Variants in OSBPL8 observed in about 807,000 individuals in gnomAD.
OSBPL8 encodes oxysterol binding protein like 8.
OSBPL8 carries 59 observed loss-of-function variants against 125.5 expected under a neutral mutation model. The ratio of observed to expected loss-of-function variants is 0.47; its 90% CI spans 0.38 to 0.58. The LOEUF (loss-of-function observed/expected upper bound fraction) is 0.58. Ranked by LOEUF, OSBPL8 falls within the 20% of genes least tolerant of loss-of-function variation. The probability of loss-of-function intolerance (pLI) is 0.00; values close to 1 mark genes in which losing one functional copy is unlikely to be tolerated. For synonymous variants in OSBPL8, 330 were observed against 338.9 expected (o/e 0.97, Z 0.29); for missense variants, 758 against 1,047.8 (o/e 0.72, Z 3.82).
intron 4 of OSBPL8, among the ~76,000 whole-genome samples, chr12:76,440,058 T>G (rs1415742227): frequency 6.6e-6 from 1 of 152,192 alleles, no homozygotes; most frequent in Non-Finnish European, 1.5e-5. Flanking sequence ...TTGCCAAATA[T>G]CAGCATTAAG....
chr12:76,370,786 T>C lies in OSBPL8; in HGVS notation c.2054+662A>G, dbSNP rs74611206. On this transcript the variant is annotated intron_variant, in intron 19 of 23. Transcript: ENST00000261183. ...TGAATTCCCATGACAGAGAATGATA[T>C]GTATGTGCAAACATGTAGGGAGGAC... Among the ~76,000 whole-genome samples, 445 of 152,294 alleles carry C rather than the reference T, an allele frequency of 2.9e-3. 2 individuals are homozygous for C. The highest frequency in any genetic ancestry group is 0.01 in the African/African-American group (428 of 41,568).
chr12:76,540,378 G>A (rs996693070), intron 1 of OSBPL8, among the ~76,000 whole-genome samples: 1 of 152,022 alleles, frequency 6.6e-6, no homozygotes, highest in Non-Finnish European at 1.5e-5. Context: ...TCAATGGGAG[G>A]AATTATTAGG....
chr12:76,371,634 C>A, intron 18 of OSBPL8, 50 bp from the exon 19 acceptor site: 2 of 1,435,754 alleles, frequency 1.4e-6, no homozygotes, highest in South Asian at 1.4e-5. Flanking sequence ...ACTTAGAAGG[C>A]AATTATATAG....
At chr12:76,406,484 T>C (rs1954266823) in intron 5 of OSBPL8, among the ~76,000 whole-genome samples, 1 of 152,240 alleles carries the variant, frequency 6.6e-6, no homozygotes, top group Non-Finnish European at 1.5e-5. Flanking sequence ...TATGTTGTAA[T>C]TCCTTTGGTT....
intron 4 of OSBPL8, among the ~76,000 whole-genome samples, chr12:76,426,862 A>G (rs1479947258): frequency 6.6e-6 from 1 of 152,174 alleles, no homozygotes; most frequent in Non-Finnish European, 1.5e-5. Flanking sequence ...AAATATTACT[A>G]AATACCATAA....
intron 2 of OSBPL8, among the ~76,000 whole-genome samples, chr12:76,472,876 G>A (rs990524641): frequency 6.6e-6 from 1 of 152,158 alleles, no homozygotes; most frequent in African/African-American, 2.4e-5. Flanking sequence ...AGGCCTGACT[G>A]ATGTCAGGCC....
intron 12 of OSBPL8, among the ~76,000 whole-genome samples, chr12:76,387,445 A>C (rs1387468101): frequency 6.6e-6 from 1 of 152,186 alleles, no homozygotes; most frequent in East Asian, 1.9e-4. Context: ...ATAATGGATA[A>C]TCAAAGAGTA....
At chr12:76,416,043 C>T (rs1416383760) in intron 4 of OSBPL8, among the ~76,000 whole-genome samples, 1 of 152,078 alleles carries the variant, frequency 6.6e-6, no homozygotes, top group African/African-American at 2.4e-5. Context: ...AAAATATGCA[C>T]TTAAGGCTAA....
At chr12:76,445,153 C>A (rs1872600773) in intron 4 of OSBPL8, among the ~76,000 whole-genome samples, 1 of 152,004 alleles carries the variant, frequency 6.6e-6, no homozygotes, top group South Asian at 2.1e-4. Flanking sequence ...GGGCAAGGTT[C>A]TAATAGCAGT....
intron 6 of OSBPL8, among the ~76,000 whole-genome samples, chr12:76,401,025 G>A (rs1179477510): frequency 2.0e-5 from 3 of 151,994 alleles, no homozygotes; most frequent in Admixed American, 6.6e-5. Context: ...CTGGCCTCAA[G>A]TGATCCGCCC....
chr12:76,471,873 T>C (rs1876180272), intron 2 of OSBPL8, among the ~76,000 whole-genome samples: 1 of 152,228 alleles, frequency 6.6e-6, no homozygotes, highest in Non-Finnish European at 1.5e-5. Context: ...AATGCCATTC[T>C]CACCTTCACC....
chr12:76,353,383 A>G lies in OSBPL8; in HGVS notation c.*2506T>C, dbSNP rs982740033. The G allele has an allele frequency of 1.3e-5, 2 of 151,792 alleles. No homozygotes were observed. The highest frequency in any genetic ancestry group is 1.9e-4 in the East Asian group (1 of 5,192). 9.4% of individuals were successfully genotyped at this position (151,792 alleles called of 1,614,324 possible). A position where few individuals can be genotyped will look rare whatever the true frequency, so the allele number is the denominator to read the frequency against. Reference sequence around the variant, plus strand: ...ATGGCATAGTACATTTAACAGCTAAAAAGAAAATGCACATGTGAATAATTA... The same window carrying G: ...ATGGCATAGTACATTTAACAGCTAAGAAGAAAATGCACATGTGAATAATTA... On this transcript the variant is annotated 3_prime_UTR_variant, in exon 24 of 24. Coordinates refer to ENST00000261183, the MANE Select transcript of OSBPL8 (RefSeq NM_020841.5).
intron 1 of OSBPL8, among the ~76,000 whole-genome samples, chr12:76,532,368 A>G (rs987602737): frequency 2.0e-5 from 3 of 152,156 alleles, no homozygotes; most frequent in African/African-American, 7.2e-5. Context: ...AAACTAGATC[A>G]TTTCACTTTA....
intron 1 of OSBPL8, among the ~76,000 whole-genome samples, chr12:76,554,755 A>C (rs995209067): frequency 6.6e-6 from 1 of 152,184 alleles, no homozygotes; most frequent in African/African-American, 2.4e-5. Flanking sequence ...TATTTGAAAA[A>C]AGTCAAGCTC....
chr12:76,506,475 G>A (rs957877878), intron 1 of OSBPL8, among the ~76,000 whole-genome samples: 1 of 152,170 alleles, frequency 6.6e-6, no homozygotes, highest in Non-Finnish European at 1.5e-5. Flanking sequence ...AGATCAGAGC[G>A]CTGAGGTGCT....
At chr12:76,550,073 C>T (rs1023624373) in intron 1 of OSBPL8, among the ~76,000 whole-genome samples, 12 of 127,604 alleles carry the variant, frequency 9.4e-5, no homozygotes, top group African/African-American at 3.7e-4. Flanking sequence ...GCACAAAAGG[C>T]AGTATGCTGA....
At chr12:76,452,294 C>T (rs1449743595) in intron 3 of OSBPL8, among the ~76,000 whole-genome samples, 1 of 152,060 alleles carries the variant, frequency 6.6e-6, no homozygotes. Context: ...AGTAAAAATA[C>T]AAAAACACTT....
intron 4 of OSBPL8, among the ~76,000 whole-genome samples, chr12:76,418,431 T>C (rs1592646078): frequency 1.3e-5 from 2 of 152,196 alleles, no homozygotes; most frequent in East Asian, 1.9e-4. Context: ...GGTCATTAAG[T>C]AGCTAAGTGA....
intron 1 of OSBPL8, among the ~76,000 whole-genome samples, chr12:76,516,633 A>G (rs762141358): frequency 2.0e-5 from 3 of 152,216 alleles, no homozygotes; most frequent in Admixed American, 1.3e-4. Flanking sequence ...AACACAAAAG[A>G]GAAAAAGCCA....
Sources: gnomAD v4.1 joint callset for allele counts (sites outside exome capture counted in the v4.1 genomes callset) on GRCh38, gnomAD v4.1.1 for gene constraint, MANE v1.5 for transcripts, NCBI Gene and HGNC (gene_info 2026-07-23, HGNC 2026-07-21) for gene names.